ENTREP2: variants seen among roughly 807,000 people sequenced by gnomAD.
ENTREP2 encodes endosomal transmembrane epsin interactor 2.
the ENTREP2 span, among the ~76,000 whole-genome samples, chr15:29,485,735 T>C: frequency 6.6e-6 from 1 of 152,198 alleles, no homozygotes; most frequent in East Asian, 1.9e-4. Context: ...GACATACAAA[T>C]GGCCAGGAGA....
At chr15:29,436,832 G>C in the ENTREP2 span, among the ~76,000 whole-genome samples, 17,170 of 152,208 alleles carry the variant, frequency 0.11, 1,122 homozygotes, top group East Asian at 0.31. Flanking sequence ...TTTTTCAAAC[G>C]TATCTGTAAC....
chr15:29,571,447 A>AC, the ENTREP2 span, among the ~76,000 whole-genome samples: 1 of 152,196 alleles, frequency 6.6e-6, no homozygotes, highest in Non-Finnish European at 1.5e-5. Flanking sequence ...GGTGTGGCGA[A>AC]CAGGAGCCTC....
At chr15:29,674,795 G>A in the ENTREP2 span, among the ~76,000 whole-genome samples, 1 of 151,510 alleles carries the variant, frequency 6.6e-6, no homozygotes, top group Non-Finnish European at 1.5e-5. Context: ...AGGAAGGGGC[G>A]GGCTTCCCCC....
chr15:29,305,571 T>TGAGAGGGAGAGGAA, the ENTREP2 span, among the ~76,000 whole-genome samples: 1 of 152,100 alleles, frequency 6.6e-6, no homozygotes, highest in African/African-American at 2.4e-5. Flanking sequence ...TGCACTTTGC[T>TGAGAGGGAGAGGAA]GAGAGGGAGA....
chr15:29,557,156 C>A, the ENTREP2 span, among the ~76,000 whole-genome samples: 1 of 152,176 alleles, frequency 6.6e-6, no homozygotes, highest in Non-Finnish European at 1.5e-5. Context: ...ACCTGGCTGG[C>A]CCCAGCCCTG....
At chr15:29,657,136 C>T in the ENTREP2 span, among the ~76,000 whole-genome samples, 45 of 152,264 alleles carry the variant, frequency 3.0e-4, no homozygotes, top group East Asian at 5.4e-3. Flanking sequence ...CAAGCTCCGC[C>T]TCCCCCGTTC....
the ENTREP2 span, chr15:29,381,965 A>G: frequency 1.6e-4 from 131 of 796,714 alleles, no homozygotes; most frequent in Non-Finnish European, 2.4e-4. Context: ...GGCTACCATG[A>G]GCTGCATTTT....
the ENTREP2 span, among the ~76,000 whole-genome samples, chr15:29,227,962 T>C: frequency 6.7e-6 from 1 of 148,980 alleles, no homozygotes; most frequent in African/African-American, 2.5e-5. Context: ...TAAACATAAG[T>C]AGACAAAACT....
chr15:29,657,578 G>A, the ENTREP2 span, among the ~76,000 whole-genome samples: 1 of 148,914 alleles, frequency 6.7e-6, no homozygotes, highest in Non-Finnish European at 1.5e-5. Flanking sequence ...TCCTCCCCAC[G>A]ATTGGCTACT....
At chr15:29,650,102 T>C in the ENTREP2 span, among the ~76,000 whole-genome samples, 1 of 152,052 alleles carries the variant, frequency 6.6e-6, no homozygotes, top group Non-Finnish European at 1.5e-5. Flanking sequence ...ATTATGCATA[T>C]GCGCTAAAGG....
the ENTREP2 span, among the ~76,000 whole-genome samples, chr15:29,216,882 ACAC>A: frequency 6.6e-6 from 1 of 152,150 alleles, no homozygotes; most frequent in Non-Finnish European, 1.5e-5. Context: ...GAAAAGAAAA[ACAC>A]CACACTTTGA....
the ENTREP2 span, among the ~76,000 whole-genome samples, chr15:29,133,150 C>T: frequency 6.6e-6 from 1 of 152,272 alleles, no homozygotes; most frequent in East Asian, 1.9e-4. Flanking sequence ...AGGGCCCTGT[C>T]CTGGGCCTGC....
chr15:29,140,873 T>C, the ENTREP2 span, among the ~76,000 whole-genome samples: 1 of 152,252 alleles, frequency 6.6e-6, no homozygotes, highest in Admixed American at 6.5e-5. Flanking sequence ...CTGTCTTCTC[T>C]GATCCATGTG....
the ENTREP2 span, among the ~76,000 whole-genome samples, chr15:29,654,018 G>T: frequency 6.6e-6 from 1 of 152,094 alleles, no homozygotes; most frequent in Non-Finnish European, 1.5e-5. Context: ...CAATCATGTG[G>T]ATTGAACATA....
the ENTREP2 span, among the ~76,000 whole-genome samples, chr15:29,458,988 C>A: frequency 6.6e-6 from 1 of 152,130 alleles, no homozygotes; most frequent in African/African-American, 2.4e-5. Flanking sequence ...TGTTCCCAGG[C>A]GCAGAGCAAG....
At chr15:29,535,411 T>G in the ENTREP2 span, among the ~76,000 whole-genome samples, 1 of 151,912 alleles carries the variant, frequency 6.6e-6, no homozygotes, top group African/African-American at 2.4e-5. Context: ...AGGCCAGGCA[T>G]GGTGGCTCAT....
At chr15:29,167,254 C>T in the ENTREP2 span, among the ~76,000 whole-genome samples, 2 of 152,006 alleles carry the variant, frequency 1.3e-5, no homozygotes, top group Non-Finnish European at 2.9e-5. Context: ...TAGGCATTGG[C>T]TTAGGCAAGG....
chr15:29,406,029 C>T, the ENTREP2 span, among the ~76,000 whole-genome samples: 3 of 152,304 alleles, frequency 2.0e-5, 1 homozygote, highest in South Asian at 6.2e-4. Flanking sequence ...TAACATGTGG[C>T]TGGGTTCTAT....
the ENTREP2 span, among the ~76,000 whole-genome samples, chr15:29,225,190 C>T: frequency 3.3e-5 from 5 of 152,336 alleles, no homozygotes; most frequent in East Asian, 9.7e-4. Context: ...CAGAAAGGGG[C>T]TCCCACAGTG....
Sources: gnomAD v4.1 joint callset for allele counts (sites outside exome capture counted in the v4.1 genomes callset) on GRCh38, gnomAD v4.1.1 for gene constraint, MANE v1.5 for transcripts, NCBI Gene and HGNC (gene_info 2026-07-23, HGNC 2026-07-21) for gene names.